FRAS1: variants seen among roughly 807,000 people sequenced by gnomAD.
FRAS1 encodes the protein extracellular matrix organizing protein FRAS1.
A neutral mutation model predicts 435.2 loss-of-function variants in FRAS1; 290 were observed. The observed-to-expected ratio is 0.67, with a 90% confidence interval of 0.61 to 0.73. FRAS1 has a LOEUF of 0.73. Ranked by LOEUF, FRAS1 falls within the 30% of genes least tolerant of loss-of-function variation. The probability of loss-of-function intolerance (pLI) is 0.00; values close to 1 mark genes in which losing one functional copy is unlikely to be tolerated. For synonymous variants in FRAS1, 1,800 were observed against 1,851.0 expected, an observed-to-expected ratio of 0.97 and a Z score of 0.71; for missense variants, 4,860 against 5,001.5, an observed-to-expected ratio of 0.97 and a Z score of 0.85.
At chr4:78,361,405 A>G (rs1731065845) in intron 20 of FRAS1, among the ~76,000 whole-genome samples, 2 of 152,214 alleles carry the variant, frequency 1.3e-5, no homozygotes, top group African/African-American at 4.8e-5. Context: ...ATTGTTCCTA[A>G]TATTAGCAAA....
At chr4:78,131,440 T>C (rs1338686744) in intron 2 of FRAS1, among the ~76,000 whole-genome samples, 2 of 152,246 alleles carry the variant, frequency 1.3e-5, no homozygotes, top group Non-Finnish European at 2.9e-5. Context: ...TATAGAGTTA[T>C]ACTATTTCTT....
At chr4:78,270,401 ACT>A (rs1726601019) in intron 9 of FRAS1, among the ~76,000 whole-genome samples, 1 of 151,812 alleles carries the variant, frequency 6.6e-6, no homozygotes, top group Non-Finnish European at 1.5e-5. Context: ...AAAAGGAAAC[ACT>A]CTTTTGAGGA....
At chr4:78,430,702 A>G (rs1485038625) in intron 37 of FRAS1, among the ~76,000 whole-genome samples, 1 of 152,184 alleles carries the variant, frequency 6.6e-6, no homozygotes, top group Non-Finnish European at 1.5e-5. Context: ...AAATGCATTC[A>G]GAATGACACC....
intron 50 of FRAS1, 66 bp from the exon 51 acceptor site, chr4:78,469,912 G>T (rs1719649561): frequency 8.8e-7 from 1 of 1,133,960 alleles, no homozygotes; most frequent in African/African-American, 1.5e-5. Flanking sequence ...AGCTGTGTAG[G>T]CCCTGGACCT....
At chr4:78,224,940 T>C (rs1056487671) in intron 2 of FRAS1, among the ~76,000 whole-genome samples, 2 of 152,192 alleles carry the variant, frequency 1.3e-5, no homozygotes, top group African/African-American at 4.8e-5. Flanking sequence ...AGGTACCCTT[T>C]CTAACTTGTT....
chr4:78,541,981 T>G lies in FRAS1; in HGVS notation c.*857T>G, dbSNP rs1340792774. ...CCTTTTAATTCAACATTGCCATAAA[T>G]GCTTTAAAGAAAACCCACCACACTT... On this transcript the variant is annotated 3_prime_UTR_variant, in exon 74 of 74. Transcript: ENST00000512123. 6.6e-6 allele frequency: 1 copy of G among 152,258 alleles called. No individual in the cohort carries two copies. The highest frequency in any genetic ancestry group is 1.5e-5 in the Non-Finnish European group (1 of 68,064). The allele number at this position is 152,258 out of a possible 1,614,324, so 9.4% of individuals were successfully genotyped here.
intron 29 of FRAS1, among the ~76,000 whole-genome samples, chr4:78,397,963 T>G (rs368653967): frequency 7.1e-6 from 1 of 141,194 alleles, no homozygotes; most frequent in Non-Finnish European, 1.5e-5. Context: ...CTATTGTTGA[T>G]TTTTTTTTTC....
rs780216003 is a variant in FRAS1, at chr4:78,513,550, C to G, written c.10172C>G (p.Ser3391Ter). Residue 3391 changes from serine (S) to a stop codon, truncating the protein, a stop_gained and splice_region_variant, in exon 65 of 74, where the codon TCA becomes TGA. Transcript: ENST00000512123. LOFTEE classifies it high-confidence loss of function. Reference protein sequence around the residue: ...LVTTYDLRGISEAGFLDDVVY... With the variant: ...LVTTYDLRGI ...ACCACCTATGACCTGAGAGGCATCTCAGGTGAGATTGACAAGTTCAGGACT... is the reference window on the plus strand; with the variant it reads ...ACCACCTATGACCTGAGAGGCATCTGAGGTGAGATTGACAAGTTCAGGACT... 6.2e-7 allele frequency: 1 copy of G among 1,613,342 alleles called. No individual in the cohort carries two copies. Among genetic ancestry groups the G allele is most frequent in the South Asian group, 1.1e-5 (1 of 91,062 alleles).
Position 78,452,632 on chromosome 4 carries a change from A to G in FRAS1, c.6763+278A>G, listed in dbSNP as rs540162371. Among the ~76,000 whole-genome samples the G allele has an allele frequency of 2.0e-5, 3 of 152,316 alleles. No homozygotes were observed. The East Asian group carries it at 5.8e-4, about 29-fold the overall frequency. ...GATGGTAAATTCCTTTAGGGCAAACACTGCATCCTGCTTTTCATCTATACT... is the reference window on the plus strand; with the variant it reads ...GATGGTAAATTCCTTTAGGGCAAACGCTGCATCCTGCTTTTCATCTATACT... On this transcript the variant is annotated intron_variant, in intron 47 of 73. Coordinates refer to ENST00000512123, the MANE Select transcript of FRAS1 (RefSeq NM_025074.7).
In FRAS1 at chr4:78,456,144, T is replaced by TTTTTC. The variant is rs1560738474; in HGVS notation, c.6763+3794_6763+3795insCTTTT. On this transcript the variant is annotated intron_variant, in intron 47 of 73. Coordinates refer to ENST00000512123, the MANE Select transcript of FRAS1 (RefSeq NM_025074.7). ...ACTTGAAGAACACATGTCACTTTTT[T>TTTTTC]TTTTTTTTTTTTTTTTTGAGACGGA... Among the ~76,000 whole-genome samples the TTTTTC allele has an allele frequency of 3.8e-5, 5 of 132,456 alleles. 1 individual carries two copies. The highest frequency in any genetic ancestry group is 9.6e-5 in the African/African-American group (3 of 31,330). 86.9% of individuals were successfully genotyped at this position (132,456 alleles called of 152,430 possible).
At chr4:78,308,851 G>A (rs76278486) in intron 15 of FRAS1, among the ~76,000 whole-genome samples, 2 of 152,172 alleles carry the variant, frequency 1.3e-5, no homozygotes, top group Middle Eastern at 3.2e-3. Context: ...CTTGTGAAAC[G>A]GGGATAATAG....
intron 29 of FRAS1, among the ~76,000 whole-genome samples, chr4:78,392,970 A>T (rs899023030): frequency 2.0e-5 from 3 of 150,646 alleles, no homozygotes; most frequent in African/African-American, 4.9e-5. Flanking sequence ...AGAAACAAAC[A>T]TGTTCATCAT....
chr4:78,445,482 G>A, intron 41 of FRAS1, 40 bp from the exon 42 acceptor site: 1 of 1,488,514 alleles, frequency 6.7e-7, no homozygotes. Flanking sequence ...AGCAGGAATT[G>A]ATAGATCAAG....
intron 9 of FRAS1, among the ~76,000 whole-genome samples, chr4:78,277,114 C>T (rs1024317977): frequency 7.2e-5 from 11 of 152,242 alleles, no homozygotes; most frequent in Non-Finnish European, 1.5e-4. Context: ...CCCTCCGAGC[C>T]AGGCGTGGGA....
intron 14 of FRAS1, among the ~76,000 whole-genome samples, chr4:78,304,012 T>C (rs903962212): frequency 1.3e-5 from 2 of 151,932 alleles, no homozygotes; most frequent in Non-Finnish European, 2.9e-5. Context: ...TAGCTCTTAT[T>C]ATTTTGAAAT....
chr4:78,354,052 G>A (rs1337759547), intron 20 of FRAS1, among the ~76,000 whole-genome samples: 15 of 136,458 alleles, frequency 1.1e-4, no homozygotes, highest in East Asian at 5.2e-4. Flanking sequence ...AAAGCTTCAA[G>A]ATACATGGTA....
rs144065807 is a variant in FRAS1 at position 78,369,977 on chromosome 4, G to A, written c.2862G>A (p.Thr954=). 3.5e-5 allele frequency: 56 copies of A among 1,612,946 alleles called. No individual in the cohort carries two copies. In the African/African-American group the frequency reaches 4.5e-4, roughly 13 times the overall value. Reference sequence around the variant, plus strand: ...ACTATCTTGACTTCTCCACCAACACGTGCAAAGGTAAAGCTCTTCCTGAAT... The same window carrying A: ...ACTATCTTGACTTCTCCACCAACACATGCAAAGGTAAAGCTCTTCCTGAAT... ...PQYYLDFSTN[T]CKECDWSCSA... is the part of the protein sequence containing the mutation. The change falls in exon 23 of 74, where the codon ACG becomes ACA. Residue 954 remains threonine, a synonymous_variant. Coordinates refer to ENST00000512123, the MANE Select transcript of FRAS1 (RefSeq NM_025074.7).
intron 22 of FRAS1, 109 bp downstream of exon 22, chr4:78,364,163 A>G (rs1731181221): frequency 1.6e-6 from 2 of 1,262,948 alleles, no homozygotes; most frequent in Non-Finnish European, 2.1e-6. Flanking sequence ...GGTAGCCTTT[A>G]TTTTTATAAA....
intron 14 of FRAS1, among the ~76,000 whole-genome samples, chr4:78,295,959 G>T (rs1158039139): frequency 2.6e-5 from 4 of 151,712 alleles, no homozygotes; most frequent in Admixed American, 6.6e-5. Context: ...CACCATGTTG[G>T]CCAGGCTGGT....
Sources: gnomAD v4.1 joint callset for allele counts (sites outside exome capture counted in the v4.1 genomes callset) on GRCh38, gnomAD v4.1.1 for gene constraint, MANE v1.5 for transcripts, NCBI Gene and HGNC (gene_info 2026-07-23, HGNC 2026-07-21) for gene names.